The following SLC39A14 variants were observed in gnomAD, a reference collection of about 807,000 sequenced individuals.
SLC39A14 encodes metal cation symporter ZIP14.
A neutral mutation model predicts 45.5 loss-of-function variants in SLC39A14; 19 were observed. That is an observed-to-expected ratio of 0.42 (90% CI 0.29 to 0.61). The LOEUF is 0.61. Ranked by LOEUF, SLC39A14 falls within the 20% of genes least tolerant of loss-of-function variation. SLC39A14 has a pLI of 0.22. For synonymous variants in SLC39A14, 264 were observed against 251.3 expected (o/e 1.05, Z -0.48); for missense variants, 447 against 616.5 (o/e 0.73, Z 2.91).
At chr8:22,380,801 C>G (rs1337980971) in intron 1 of SLC39A14, among the ~76,000 whole-genome samples, 1 of 151,632 alleles carries the variant, frequency 6.6e-6, no homozygotes, top group Non-Finnish European at 1.5e-5. Flanking sequence ...TTCAGCCTTC[C>G]AAGTAGCTGG....
chr8:22,391,141 C>T (rs1288753329), intron 1 of SLC39A14, among the ~76,000 whole-genome samples: 1 of 152,168 alleles, frequency 6.6e-6, no homozygotes, highest in Non-Finnish European at 1.5e-5. Context: ...GCCTCTAGGC[C>T]ATTTAATATC....
downstream of SLC39A14, among the ~76,000 whole-genome samples, chr8:22,423,786 T>TTCTC (rs58420252): frequency 0.056 from 6,896 of 122,216 alleles, 590 homozygotes; most frequent in African/African-American, 0.16. Flanking sequence ...TTTAATTGGT[T>TTCTC]TCTCTCTCTC....
chr8:22,373,382 T>G (rs1222773950), intron 1 of SLC39A14, among the ~76,000 whole-genome samples: 2 of 152,150 alleles, frequency 1.3e-5, no homozygotes, highest in Non-Finnish European at 2.9e-5. Context: ...ATTTATTGGA[T>G]GATAATGAGA....
intron 1 of SLC39A14, among the ~76,000 whole-genome samples, chr8:22,384,784 T>C (rs1435414427): frequency 7.2e-6 from 1 of 138,296 alleles, no homozygotes; most frequent in African/African-American, 2.7e-5. Context: ...GCACGGTGGC[T>C]CATGCCTGTA....
intron 3 of SLC39A14, among the ~76,000 whole-genome samples, chr8:22,410,484 T>C (rs915175075): frequency 5.8e-5 from 8 of 137,586 alleles, no homozygotes; most frequent in African/African-American, 2.8e-4. Context: ...ATCCTGGCAG[T>C]ACTCAGGTCT....
intron 1 of SLC39A14, among the ~76,000 whole-genome samples, chr8:22,401,549 T>C (rs1346731735): frequency 1.5e-5 from 2 of 129,216 alleles, no homozygotes; most frequent in Non-Finnish European, 3.2e-5. Context: ...CTTTCTTTTT[T>C]TTTTTTTTTT....
chr8:22,393,364 T>A, intron 1 of SLC39A14: 1 of 365,438 alleles, frequency 2.7e-6, no homozygotes, highest in Non-Finnish European at 3.8e-6. Flanking sequence ...AGTGAAGGTG[T>A]CAGCCTAGGT....
At chr8:22,406,854 G>A (rs886825278) in intron 2 of SLC39A14, among the ~76,000 whole-genome samples, 6 of 152,180 alleles carry the variant, frequency 3.9e-5, no homozygotes, top group African/African-American at 1.4e-4. Context: ...AGCATCTCGG[G>A]GTGGCGGGAG....
At chr8:22,378,714 A>G (rs1412233474) in intron 1 of SLC39A14, among the ~76,000 whole-genome samples, 1 of 152,198 alleles carries the variant, frequency 6.6e-6, no homozygotes, top group African/African-American at 2.4e-5. Context: ...GTGGTCAGCA[A>G]ATACCTGCAG....
At chr8:22,382,028 C>G (rs896843242) in intron 1 of SLC39A14, among the ~76,000 whole-genome samples, 6 of 152,012 alleles carry the variant, frequency 3.9e-5, no homozygotes, top group African/African-American at 1.4e-4. Flanking sequence ...GTAATCCCAG[C>G]TACTTGGGAG....
intron 8 of SLC39A14, among the ~76,000 whole-genome samples, chr8:22,429,515 T>C (rs767307867): frequency 6.6e-6 from 1 of 152,240 alleles, no homozygotes; most frequent in Non-Finnish European, 1.5e-5. Flanking sequence ...TAATTAACAT[T>C]TTGTTCTTTG....
At position 22,416,059 on chromosome 8, in the gene SLC39A14, G is replaced by A. The variant is rs1835860090; in HGVS notation, c.940-14G>A. On this transcript the variant is annotated splice_polypyrimidine_tract_variant and intron_variant, in intron 6 of 8. Coordinates refer to ENST00000381237, the MANE Select transcript of SLC39A14 (RefSeq NM_001128431.4). The stretch of plus-strand genomic sequence containing the variant: ...CTTTGACGCTGTGGGCCCTGGGGGT[G>A]TGCTTTCTCCTAGGACCTGCAGGCT... 1 of 1,613,496 alleles carries A rather than the reference G, an allele frequency of 6.2e-7. No homozygotes were observed. The highest frequency in any genetic ancestry group is 1.1e-5 in the South Asian group (1 of 91,082).
intron 8 of SLC39A14, among the ~76,000 whole-genome samples, chr8:22,429,687 A>G (rs1285193939): frequency 6.6e-6 from 1 of 152,228 alleles, no homozygotes; most frequent in African/African-American, 2.4e-5. Flanking sequence ...CCCAGGTGAA[A>G]AACTTCTGCT....
downstream of SLC39A14, among the ~76,000 whole-genome samples, chr8:22,426,450 C>T (rs1432380180): frequency 6.6e-6 from 1 of 152,156 alleles, no homozygotes; most frequent in South Asian, 2.1e-4. Flanking sequence ...GACTAGGCCT[C>T]CGAAAGTGCT....
At chr8:22,368,916 A>C (rs1832789695) in intron 1 of SLC39A14, among the ~76,000 whole-genome samples, 1 of 152,098 alleles carries the variant, frequency 6.6e-6, no homozygotes, top group African/African-American at 2.4e-5. Flanking sequence ...ATCCCCCGGG[A>C]CGCAGCTCCT....
downstream of SLC39A14, among the ~76,000 whole-genome samples, chr8:22,423,234 C>G (rs886073091): frequency 3.9e-5 from 6 of 152,158 alleles, no homozygotes; most frequent in Non-Finnish European, 8.8e-5. Flanking sequence ...GCCTCCGCTT[C>G]CTGGGTTCAA....
intron 7 of SLC39A14, 74 bp from the exon 8 acceptor site, chr8:22,417,577 G>A (rs1835961987): frequency 1.6e-6 from 2 of 1,256,520 alleles, no homozygotes; most frequent in Non-Finnish European, 2.3e-6. Flanking sequence ...TAGCTGGGAT[G>A]ACAGGTGTGC....
Position 22,367,534 on chromosome 8 carries a change from C to G in SLC39A14, c.-16+126C>G, listed in dbSNP as rs903036574. ...AGGACCGGGCGCCGCTCCCGGGCACCGGCACACGCCCGGACGGCTGGGTGG... is the reference window on the plus strand; with the variant it reads ...AGGACCGGGCGCCGCTCCCGGGCACGGGCACACGCCCGGACGGCTGGGTGG... On this transcript the variant is annotated intron_variant, in intron 1 of 8. Coordinates refer to ENST00000381237, the MANE Select transcript of SLC39A14 (RefSeq NM_001128431.4). The surrounding 1 kb of genome is among the most constrained non-coding windows in gnomAD (Gnocchi z 4.2). The G allele has an allele frequency of 6.6e-6, 1 of 152,288 alleles. No individual in the cohort carries two copies. The highest frequency in any genetic ancestry group is 1.5e-5 in the Non-Finnish European group (1 of 68,136). 9.4% of individuals were successfully genotyped at this position (152,288 alleles called of 1,614,324 possible).
downstream of SLC39A14, among the ~76,000 whole-genome samples, chr8:22,423,875 G>T (rs1474251136): frequency 7.3e-5 from 11 of 150,404 alleles, no homozygotes; most frequent in African/African-American, 2.7e-4. Context: ...TCTATCTAGA[G>T]AGAGAGAGTG....
Sources: allele counts gnomAD v4.1 joint callset (sites outside exome capture counted in the v4.1 genomes callset), GRCh38; gene constraint gnomAD v4.1.1; non-coding constraint Gnocchi (gnomAD v3.1); transcripts MANE v1.5; gene names NCBI Gene and HGNC (gene_info 2026-07-23, HGNC 2026-07-21).